Variants in AIG1 observed in about 807,000 individuals in gnomAD.
The protein encoded by AIG1 is androgen-induced gene 1 protein.
In AIG1, 23 loss-of-function variants were observed where a neutral mutation model predicts 31.4. That is an observed-to-expected ratio of 0.73 (90% CI 0.53 to 1.04). The LOEUF is 1.04. Ranked by LOEUF, AIG1 falls within the 50% of genes least tolerant of loss-of-function variation. The probability of loss-of-function intolerance (pLI) is 0.00; values close to 1 mark genes in which losing one functional copy is unlikely to be tolerated. For missense variants in AIG1, 274 were observed against 295.0 expected, an observed-to-expected ratio of 0.93 and a Z score of 0.52; for synonymous variants, 100 against 110.5, an observed-to-expected ratio of 0.90 and a Z score of 0.60.
Position 143,331,116 on chromosome 6 carries a change from C to T in AIG1, c.516-2166C>T, listed in dbSNP as rs1777036405. Among the ~76,000 whole-genome samples the T allele has an allele frequency of 6.6e-6, 1 of 151,876 alleles. No individual in the cohort carries two copies. Among genetic ancestry groups the T allele is most frequent in the Admixed American group, 6.6e-5 (1 of 15,252 alleles). On this transcript the variant is annotated intron_variant, in intron 4 of 5. Coordinates refer to ENST00000357847, the MANE Select transcript of AIG1 (RefSeq NM_016108.4). The surrounding 1 kb of genome is among the most constrained non-coding windows in gnomAD (Gnocchi z 4.1). ...TCAATCTTTCTTTCATTACTACTTC[C>T]CTCTACCAAGGAACCTTTGTAGACC...
chr6:143,153,398 A>C (rs1297088235), intron 2 of AIG1, among the ~76,000 whole-genome samples: 1 of 152,094 alleles, frequency 6.6e-6, no homozygotes, highest in Non-Finnish European at 1.5e-5. Flanking sequence ...CCCAGGCTGG[A>C]GTGCAGTGGT....
intron 1 of AIG1, among the ~76,000 whole-genome samples, chr6:143,096,136 G>A (rs1191584398): frequency 6.6e-6 from 1 of 151,988 alleles, no homozygotes; most frequent in Non-Finnish European, 1.5e-5. Flanking sequence ...TCGATCTCCT[G>A]ACCTTGGAAT....
chr6:143,090,616 T>C (rs1779218884), intron 1 of AIG1, among the ~76,000 whole-genome samples: 1 of 152,250 alleles, frequency 6.6e-6, no homozygotes, highest in Non-Finnish European at 1.5e-5. Context: ...CACTTTACTG[T>C]AATCTACCAA....
intron 4 of AIG1, among the ~76,000 whole-genome samples, chr6:143,296,847 T>A (rs773426680): frequency 2.2e-4 from 34 of 152,222 alleles, no homozygotes; most frequent in Non-Finnish European, 4.7e-4. Context: ...ACTGGCTTAT[T>A]GTTATTGTAA....
intron 1 of AIG1, among the ~76,000 whole-genome samples, chr6:143,096,269 T>G (rs951928343): frequency 1.3e-5 from 2 of 152,176 alleles, no homozygotes; most frequent in Non-Finnish European, 2.9e-5. Context: ...GCCAGATATT[T>G]CCTACAGAAA....
chr6:143,318,703 G>A (rs1384685238), intron 4 of AIG1, among the ~76,000 whole-genome samples: 5 of 152,016 alleles, frequency 3.3e-5, no homozygotes, highest in African/African-American at 7.2e-5. Context: ...CCCACAGAGC[G>A]GGAGAAAATC....
rs1798085111 is a variant in AIG1 at position 143,291,863 on chromosome 6, T to G, written c.515+7638T>G. On this transcript the variant is annotated intron_variant, in intron 4 of 5. Coordinates refer to ENST00000357847, the MANE Select transcript of AIG1 (RefSeq NM_016108.4). This position sits in a 1 kb window ranked among gnomAD's most constrained non-coding sequence, Gnocchi z 4.2. ...CTGGAAAGACTGTCCTTAATTCAGA[T>G]TGGCAGTCATTGGAAGGTTTGGACA... 6.6e-6 allele frequency among the ~76,000 whole-genome samples: 1 copy of G among 152,148 alleles called. No homozygotes were observed. Among genetic ancestry groups the G allele is most frequent in the Admixed American group, 6.5e-5 (1 of 15,282 alleles).
intron 3 of AIG1, among the ~76,000 whole-genome samples, chr6:143,276,206 C>T (rs1796890401): frequency 6.6e-6 from 1 of 152,174 alleles, no homozygotes; most frequent in Admixed American, 6.5e-5. Flanking sequence ...TTAATTGCAA[C>T]GATATGCATG....
At chr6:143,087,079 T>C (rs539943284) in intron 1 of AIG1, among the ~76,000 whole-genome samples, 2 of 152,306 alleles carry the variant, frequency 1.3e-5, no homozygotes, top group South Asian at 4.1e-4. Flanking sequence ...CCATGCTCAT[T>C]GTTTTTAACT....
chr6:143,066,404 C>G (rs1776717786), intron 1 of AIG1, among the ~76,000 whole-genome samples: 1 of 151,966 alleles, frequency 6.6e-6, no homozygotes, highest in African/African-American at 2.4e-5. Flanking sequence ...TCCCGAGTAG[C>G]TGGGATTACA....
intron 2 of AIG1, among the ~76,000 whole-genome samples, chr6:143,156,860 G>A (rs1785816055): frequency 6.6e-6 from 1 of 152,204 alleles, no homozygotes; most frequent in Non-Finnish European, 1.5e-5. Flanking sequence ...CCTTGAGGAG[G>A]GAGCATGACC....
intron 3 of AIG1, among the ~76,000 whole-genome samples, chr6:143,238,771 C>T (rs1422503175): frequency 6.6e-6 from 1 of 152,198 alleles, no homozygotes; most frequent in Non-Finnish European, 1.5e-5. Context: ...AAGATAGATC[C>T]TGGAGCAAAA....
intron 3 of AIG1, among the ~76,000 whole-genome samples, chr6:143,237,672 C>T (rs1793910530): frequency 6.6e-6 from 1 of 152,260 alleles, no homozygotes; most frequent in South Asian, 2.1e-4. Context: ...AATTTCTACT[C>T]TAACCGAACC....
chr6:143,143,548 T>TATATATATATATATATACATAC (rs1357963834), intron 2 of AIG1, among the ~76,000 whole-genome samples: 1 of 115,108 alleles, frequency 8.7e-6, no homozygotes, highest in African/African-American at 3.9e-5. Flanking sequence ...TATATATATA[T>TATATATATATATATATACATAC]ATATATACAC....
intron 1 of AIG1, among the ~76,000 whole-genome samples, chr6:143,066,368 G>A (rs1776713058): frequency 6.6e-6 from 1 of 151,946 alleles, no homozygotes; most frequent in Non-Finnish European, 1.5e-5. Flanking sequence ...CGCCTCCCAG[G>A]TTCAAGAAAT....
intron 3 of AIG1, among the ~76,000 whole-genome samples, chr6:143,181,831 C>T (rs183526611): frequency 2.0e-5 from 3 of 151,778 alleles, no homozygotes; most frequent in Admixed American, 6.6e-5. Flanking sequence ...AGATGTGAGA[C>T]GGCCATAGAA....
intron 1 of AIG1, among the ~76,000 whole-genome samples, chr6:143,089,043 T>G (rs1779058906): frequency 6.6e-6 from 1 of 151,928 alleles, no homozygotes; most frequent in Non-Finnish European, 1.5e-5. Context: ...AAACCCCATC[T>G]CTACTAAAAA....
chr6:143,175,416 T>C (rs1024709974), intron 3 of AIG1, among the ~76,000 whole-genome samples: 2 of 152,250 alleles, frequency 1.3e-5, no homozygotes, highest in Non-Finnish European at 2.9e-5. Flanking sequence ...TATTTGGATT[T>C]CCCTTCTTCT....
At chr6:143,160,937 G>A (rs1786306126) in intron 2 of AIG1, among the ~76,000 whole-genome samples, 1 of 152,118 alleles carries the variant, frequency 6.6e-6, no homozygotes, top group Non-Finnish European at 1.5e-5. Context: ...AGGGATCAAA[G>A]TATTGACCAA....
Sources: gnomAD v4.1 joint callset for allele counts (sites outside exome capture counted in the v4.1 genomes callset) on GRCh38, gnomAD v4.1.1 for gene constraint, Gnocchi (gnomAD v3.1) non-coding constraint, MANE v1.5 for transcripts, NCBI Gene and HGNC (gene_info 2026-07-23, HGNC 2026-07-21) for gene names.